The following TPPP2 variants were observed in gnomAD, a reference collection of about 807,000 sequenced individuals.
TPPP2 encodes tubulin polymerization promoting protein family member 2, also known as tubulin polymerization-promoting protein family member 2.
A neutral mutation model predicts 13.0 loss-of-function variants in TPPP2; 8 were observed. The ratio of observed to expected loss-of-function variants is 0.62; its 90% CI spans 0.36 to 1.11. TPPP2 has a LOEUF of 1.11. Ranked by LOEUF, TPPP2 falls within the 50% of genes most tolerant of loss-of-function variation. The pLI, the probability that TPPP2 is intolerant of heterozygous loss-of-function variation, is 0.02. For missense variants in TPPP2, 213 were observed against 216.9 expected (o/e 0.98, Z 0.11); for synonymous variants, 81 against 81.8 (o/e 0.99, Z 0.05).
chr14:21,030,531 C>A lies in TPPP2; in HGVS notation c.-51C>A. 1 of 1,583,710 alleles carries A rather than the reference C, an allele frequency of 6.3e-7. No homozygotes were observed. The highest frequency in any genetic ancestry group is 8.6e-7 in the Non-Finnish European group (1 of 1,162,644). Reference sequence around the variant, plus strand: ...TCCACAGTCCTCCCTCCCCCTTCTCCTTCACCCCCAAGTGTCTCCCACGAC... The same window carrying A: ...TCCACAGTCCTCCCTCCCCCTTCTCATTCACCCCCAAGTGTCTCCCACGAC... On this transcript the variant is annotated 5_prime_UTR_variant, in exon 2 of 4. Coordinates refer to ENST00000321760, the MANE Select transcript of TPPP2 (RefSeq NM_173846.5).
chr14:21,030,314 A>G lies in TPPP2; in HGVS notation c.-70+10A>G. ...ATCCGGGTACTCTAAGGTACATAAAAGAGGTAGGGGAAAGAGAGGATCATT... is the reference window on the plus strand; with the variant it reads ...ATCCGGGTACTCTAAGGTACATAAAGGAGGTAGGGGAAAGAGAGGATCATT... On this transcript the variant is annotated intron_variant, in intron 1 of 3. Transcript: ENST00000321760. The G allele has an allele frequency of 2.2e-6, 1 of 445,810 alleles. No homozygotes were observed. Among genetic ancestry groups the G allele is most frequent in the Non-Finnish European group, 4.1e-6 (1 of 243,576 alleles). 27.6% of individuals were successfully genotyped at this position (445,810 alleles called of 1,614,324 possible).
Position 21,030,470 on chromosome 14 carries a change from G to T in TPPP2, c.-69-43G>T, listed in dbSNP as rs564184478. On this transcript the variant is annotated intron_variant, in intron 1 of 3. Transcript: ENST00000321760. ...AGGGAAGAGGGGAGCTGTTCCTGTT[G>T]CTGACTGATTTTACCATAACACTCA... 2.6e-6 allele frequency: 3 copies of T among 1,149,172 alleles called. No individual in the cohort carries two copies. In the African/African-American group the frequency reaches 4.6e-5, roughly 18 times the overall value. 71.2% of individuals were successfully genotyped at this position (1,149,172 alleles called of 1,614,324 possible).
chr14:21,024,927 C>T, intron 1 of TPPP2: 2 of 985,630 alleles, frequency 2.0e-6, no homozygotes, highest in Non-Finnish European at 2.4e-6. Context: ...TGGCCCTTTC[C>T]CCCGAGCCTC....
At chr14:21,024,587 C>T (rs893597196) in intron 1 of TPPP2, 22 of 985,374 alleles carry the variant, frequency 2.2e-5, no homozygotes, top group Non-Finnish European at 2.7e-5. Context: ...CGTCGCTTCT[C>T]TCCTCTACTC....
chr14:21,028,241 T>TTTTTGTTTTGTTTTGTTTTG (rs71112541), upstream of TPPP2, among the ~76,000 whole-genome samples: 1 of 150,340 alleles, frequency 6.7e-6, no homozygotes, highest in Non-Finnish European at 1.5e-5. Flanking sequence ...CTTGGGGTTC[T>TTTTTGTTTTGTTTTGTTTTG]TTTTGTTTTG....
At position 21,030,669 on chromosome 14, in the gene TPPP2, T is replaced by C. The variant is rs1884021761; in HGVS notation, c.88T>C (p.Phe30Leu). Reference sequence around the variant, plus strand: ...TGGCACTGAAATGAACAACAAGAACTTCTCCAAGCTGTGCAAAGACTGTGG... The same window carrying C: ...TGGCACTGAAATGAACAACAAGAACCTCTCCAAGCTGTGCAAAGACTGTGG... The part of the protein sequence containing the change: ...SSGTEMNNKN[F>L]SKLCKDCGIM... The change falls in exon 2 of 4, where the codon TTC (phenylalanine) becomes CTC (leucine). Residue 30 changes from phenylalanine (F) to leucine (L), a missense_variant. Phe to Leu is a conservative substitution (Grantham distance 22, BLOSUM62 0). Transcript: ENST00000321760. 1 of 1,614,106 alleles carries C rather than the reference T, an allele frequency of 6.2e-7. No homozygotes were observed. The highest frequency in any genetic ancestry group is 8.5e-7 in the Non-Finnish European group (1 of 1,180,026).
Position 21,032,113 on chromosome 14 carries a change from C to G in TPPP2, c.*36C>G. On this transcript the variant is annotated 3_prime_UTR_variant, in exon 4 of 4. Coordinates refer to ENST00000321760, the MANE Select transcript of TPPP2 (RefSeq NM_173846.5). Reference sequence around the variant, plus strand: ...CATCTCAGCCTGCTAGCCCCCTGACCCTGCATGTTTAACACCAGGGAGCTT... The same window carrying G: ...CATCTCAGCCTGCTAGCCCCCTGACGCTGCATGTTTAACACCAGGGAGCTT... 1.3e-6 allele frequency: 2 copies of G among 1,597,482 alleles called. No individual in the cohort carries two copies. The highest frequency in any genetic ancestry group is 1.7e-6 in the Non-Finnish European group (2 of 1,166,862).
rs1386667006 is a variant in TPPP2, at chr14:21,032,209, T to G, written c.*132T>G. ...TGTGAGGGACAGATGAGCCTACTAGTGTAGAGAGAGGGAGAAGAGGCAGCA... is the reference window on the plus strand; with the variant it reads ...TGTGAGGGACAGATGAGCCTACTAGGGTAGAGAGAGGGAGAAGAGGCAGCA... On this transcript the variant is annotated 3_prime_UTR_variant, in exon 4 of 4. Coordinates refer to ENST00000321760, the MANE Select transcript of TPPP2 (RefSeq NM_173846.5). The G allele has an allele frequency of 1.0e-6, 1 of 960,496 alleles. No homozygotes were observed. Among genetic ancestry groups the G allele is most frequent in the Non-Finnish European group, 1.6e-6 (1 of 611,824 alleles). 59.5% of individuals were successfully genotyped at this position (960,496 alleles called of 1,614,324 possible). A position where few individuals can be genotyped will look rare whatever the true frequency, so the allele number is the denominator to read the frequency against.
downstream of TPPP2, chr14:21,033,645 G>A: frequency 4.8e-6 from 3 of 620,228 alleles, no homozygotes; most frequent in South Asian, 5.7e-5. Context: ...CTAGAAGATA[G>A]CACCACTTTG....
Position 21,030,587 on chromosome 14 carries a change from A to G in TPPP2, c.6A>G (p.Ala2=). The G allele has an allele frequency of 6.2e-7, 1 of 1,613,384 alleles. No homozygotes were observed. Among genetic ancestry groups the G allele is most frequent in the South Asian group, 1.1e-5 (1 of 90,818 alleles). M[A]SEAEKTFHRF... ...TCCCCGACCTCTAGCTGACCATGGC[A>G]TCAGAGGCAGAAAAAACATTCCATC... Residue 2 remains alanine (A), a synonymous_variant, in exon 2 of 4, where the codon GCA becomes GCG. Transcript: ENST00000321760.
In TPPP2 at chr14:21,032,074, G is replaced by C; in HGVS notation, c.510G>C (p.Lys170Asn). 1 of 1,611,302 alleles carries C rather than the reference G, an allele frequency of 6.2e-7. No homozygotes were observed. The highest frequency in any genetic ancestry group is 1.3e-5 in the African/African-American group (1 of 75,000). The change falls in exon 4 of 4, where the codon AAG becomes AAC. Residue 170 changes from lysine to asparagine, a missense_variant. Physicochemically the swap from Lys to Asn is moderately conservative, Grantham distance 94 (BLOSUM62 0). Coordinates refer to ENST00000321760, the MANE Select transcript of TPPP2 (RefSeq NM_173846.5). ...KGSGTYDKKTK is the reference protein window; with the variant it reads ...KGSGTYDKKTN Reference sequence around the variant, plus strand: ...CTGGCACCTACGATAAGAAGACCAAGTAGAGAGGAGCTTCATCTCAGCCTG... The same window carrying C: ...CTGGCACCTACGATAAGAAGACCAACTAGAGAGGAGCTTCATCTCAGCCTG...
chr14:21,025,402 G>T (rs1883382539), upstream of TPPP2: 1 of 985,674 alleles, frequency 1.0e-6, no homozygotes, highest in Non-Finnish European at 1.2e-6. The surrounding 1 kb of genome is among the most constrained non-coding windows in gnomAD (Gnocchi z 5.1). Context: ...ACCTGGATCT[G>T]CAATTGCACT....
At chr14:21,033,616 T>G, downstream of TPPP2, 2 of 594,340 alleles carry the variant, frequency 3.4e-6, no homozygotes, top group Non-Finnish European at 3.0e-6. Flanking sequence ...GAAGAGGGGG[T>G]AAACAAGCTG....
chr14:21,034,180 T>C (rs747527395), downstream of TPPP2: 1 of 1,613,980 alleles, frequency 6.2e-7, no homozygotes, highest in South Asian at 1.1e-5. Flanking sequence ...GGATAGTCAA[T>C]GCTTAAGGTA....
chr14:21,031,489 T>C (rs982232108), intron 3 of TPPP2, among the ~76,000 whole-genome samples: 1 of 152,242 alleles, frequency 6.6e-6, no homozygotes, highest in Non-Finnish European at 1.5e-5. Flanking sequence ...CCAATTCTTA[T>C]TTAGGGTTTA....
intron 1 of TPPP2, chr14:21,024,842 C>G (rs929868872): frequency 1.0e-6 from 1 of 985,674 alleles, no homozygotes; most frequent in African/African-American, 1.7e-5. Flanking sequence ...CACAACCTCG[C>G]GCGCACCCCA....
upstream of TPPP2, chr14:21,025,583 C>G: frequency 4.1e-6 from 4 of 985,422 alleles, no homozygotes; most frequent in Non-Finnish European, 4.8e-6. The surrounding 1 kb of genome is among the most constrained non-coding windows in gnomAD (Gnocchi z 5.1). Flanking sequence ...GTCTCGCCGG[C>G]TGGCAGGGGC....
downstream of TPPP2, chr14:21,034,228 T>G (rs1314773187): frequency 1.9e-6 from 3 of 1,614,138 alleles, no homozygotes; most frequent in Non-Finnish European, 2.5e-6. Context: ...TTGATGTCCA[T>G]GACCAGAGTT....
At chr14:21,026,951 A>G (rs532414620), upstream of TPPP2, among the ~76,000 whole-genome samples, 2 of 152,262 alleles carry the variant, frequency 1.3e-5, no homozygotes, top group South Asian at 4.1e-4. Context: ...GCCTCGAGTG[A>G]GAACTTTTGC....
Sources: allele counts gnomAD v4.1 joint callset (sites outside exome capture counted in the v4.1 genomes callset), GRCh38; gene constraint gnomAD v4.1.1; non-coding constraint Gnocchi (gnomAD v3.1); transcripts MANE v1.5; gene names NCBI Gene and HGNC (gene_info 2026-07-23, HGNC 2026-07-21).